Variants in MTUS2 observed in about 807,000 individuals in gnomAD.
MTUS2 encodes the protein microtubule-associated tumor suppressor candidate 2.
MTUS2 carries 40 observed loss-of-function variants against 114.1 expected under a neutral mutation model. That is an observed-to-expected ratio of 0.35 (90% CI 0.27 to 0.46). The LOEUF (loss-of-function observed/expected upper bound fraction) is 0.46. MTUS2 is among the 20% of genes least tolerant of loss of function. The pLI, the probability that MTUS2 is intolerant of heterozygous loss-of-function variation, is 1.00. For missense variants in MTUS2, 1,679 were observed against 1,705.4 expected (o/e 0.98, Z 0.27); for synonymous variants, 688 against 672.0 (o/e 1.02, Z -0.37).
intron 2 of MTUS2, among the ~76,000 whole-genome samples, chr13:28,948,976 A>G (rs1030947302): frequency 1.3e-5 from 2 of 152,198 alleles, no homozygotes; most frequent in Admixed American, 1.3e-4. Context: ...AAGTTGCTTA[A>G]CATCTCTGAG....
rs1446630320 is a variant in MTUS2, at chr13:29,078,562, A to G, written c.2447-22211A>G. On this transcript the variant is annotated intron_variant, in intron 4 of 15. Coordinates refer to ENST00000612955, the MANE Select transcript of MTUS2 (RefSeq NM_001033602.4). ...TAGTGGTTTTTAGTATATTCACAGA[A>G]TTATGCAAATATCACTGCAATTTTA... 2.0e-5 allele frequency among the ~76,000 whole-genome samples: 3 copies of G among 152,354 alleles called. No homozygotes were observed. In the East Asian group the frequency reaches 5.8e-4, roughly 29 times the overall value.
intron 4 of MTUS2, among the ~76,000 whole-genome samples, chr13:29,037,001 C>G (rs986704464): frequency 2.0e-5 from 3 of 152,050 alleles, no homozygotes; most frequent in African/African-American, 7.2e-5. Flanking sequence ...GGTGTTTACC[C>G]CGTTTACATA....
intron 5 of MTUS2, among the ~76,000 whole-genome samples, chr13:29,275,347 C>G (rs570859842): frequency 6.6e-6 from 1 of 152,296 alleles, no homozygotes; most frequent in African/African-American, 2.4e-5. Flanking sequence ...TCCATTATCT[C>G]AGACATTTAT....
At chr13:29,102,732 T>C (rs1890473727) in intron 5 of MTUS2, among the ~76,000 whole-genome samples, 1 of 152,226 alleles carries the variant, frequency 6.6e-6, no homozygotes, top group Admixed American at 6.5e-5. Flanking sequence ...CCCATGAATT[T>C]GATTTGTCTA....
chr13:29,070,038 T>C (rs1471595746), intron 4 of MTUS2, among the ~76,000 whole-genome samples: 1 of 152,236 alleles, frequency 6.6e-6, no homozygotes, highest in African/African-American at 2.4e-5. Context: ...AAGCATAGGC[T>C]GAGAAGGTGG....
intron 2 of MTUS2, among the ~76,000 whole-genome samples, chr13:28,959,255 G>A (rs376419897): frequency 2.2e-4 from 34 of 152,268 alleles, no homozygotes; most frequent in Admixed American, 6.5e-4. Context: ...AAAGTGTGCC[G>A]CCACTTCCAC....
rs71090240 is a variant in MTUS2 at position 29,318,391 on chromosome 13, C to CTTTTTTTTTTTTTCTTTTTTT, written c.2807-6211_2807-6210insTTCTTTTTTTTTTTTTTTTTT. 4.7e-4 allele frequency among the ~76,000 whole-genome samples: 63 copies of CTTTTTTTTTTTTTCTTTTTTT among 135,060 alleles called. 3 individuals carry two copies. Among genetic ancestry groups the CTTTTTTTTTTTTTCTTTTTTT allele is most frequent in the South Asian group, 1.5e-3 (6 of 3,976 alleles). 88.6% of individuals were successfully genotyped at this position (135,060 alleles called of 152,430 possible). Reference sequence around the variant, plus strand: ...CTATTATCATTTGTTATTTCTTTTTCTTTTTTTTTTTGAGATGACAGCCTC... The same window carrying CTTTTTTTTTTTTTCTTTTTTT: ...CTATTATCATTTGTTATTTCTTTTTCTTTTTTTTTTTTTCTTTTTTTTTTTTTTTTTTGAGATGACAGCCTC... On this transcript the variant is annotated intron_variant, in intron 6 of 15. Coordinates refer to ENST00000612955, the MANE Select transcript of MTUS2 (RefSeq NM_001033602.4).
chr13:28,965,319 G>A (rs959667144), intron 2 of MTUS2, among the ~76,000 whole-genome samples: 5 of 152,162 alleles, frequency 3.3e-5, no homozygotes, highest in African/African-American at 7.2e-5. Flanking sequence ...TCCATCGTTT[G>A]TAATCAGTGG....
intron 2 of MTUS2, among the ~76,000 whole-genome samples, chr13:28,846,743 A>G (rs138198884): frequency 1.1e-3 from 174 of 152,368 alleles, no homozygotes; most frequent in African/African-American, 3.0e-3. Context: ...AGAAGAGGGT[A>G]TCAGGACTCA....
At chr13:29,132,524 C>T (rs1891810020) in intron 5 of MTUS2, among the ~76,000 whole-genome samples, 1 of 152,186 alleles carries the variant, frequency 6.6e-6, no homozygotes, top group African/African-American at 2.4e-5. Context: ...CCCCAACCCT[C>T]CAGCCCCTGG....
chr13:29,310,340 G>A (rs554919056), intron 6 of MTUS2, among the ~76,000 whole-genome samples: 3 of 152,300 alleles, frequency 2.0e-5, no homozygotes, highest in African/African-American at 7.2e-5. Flanking sequence ...TCTTCATTGT[G>A]TCTTTTACCT....
chr13:29,261,816 G>C (rs1436134487), intron 5 of MTUS2, among the ~76,000 whole-genome samples: 2 of 152,182 alleles, frequency 1.3e-5, no homozygotes, highest in Admixed American at 1.3e-4. Flanking sequence ...GCTAAAGTTA[G>C]AGTGTTCATG....
chr13:29,503,190 G>A lies in MTUS2; in HGVS notation c.4094G>A (p.Ser1365Asn), dbSNP rs760734585. The change falls in exon 16 of 16, where the codon AGC becomes AAC. Residue 1365 changes from serine to asparagine, a missense_variant. Physicochemically the swap from Ser to Asn is conservative, Grantham distance 46. Transcript: ENST00000612955. ...SSGPSSPARV[S>N]TTPR Reference sequence around the variant, plus strand: ...GGGCCCTCCTCTCCGGCCAGAGTCAGCACAACACCCAGATGACGCCACTAC... The same window carrying A: ...GGGCCCTCCTCTCCGGCCAGAGTCAACACAACACCCAGATGACGCCACTAC... 5 of 1,613,944 alleles carry A rather than the reference G, an allele frequency of 3.1e-6. No homozygotes were observed. Among genetic ancestry groups the A allele is most frequent in the South Asian group, 2.2e-5 (2 of 91,074 alleles).
chr13:28,837,977 A>T (rs1205165029), intron 1 of MTUS2, among the ~76,000 whole-genome samples: 1 of 149,136 alleles, frequency 6.7e-6, no homozygotes. Flanking sequence ...TGTGAACAAA[A>T]TGACAGGTTT....
intron 5 of MTUS2, among the ~76,000 whole-genome samples, chr13:29,248,975 CGTTCGTTT>C (rs1269615245): frequency 1.3e-5 from 2 of 151,764 alleles, no homozygotes; most frequent in African/African-American, 4.8e-5. Context: ...TGATTTCTTT[CGTTCGTTT>C]GTTCGTTTGT....
intron 8 of MTUS2, among the ~76,000 whole-genome samples, chr13:29,427,316 T>C (rs995737600): frequency 3.9e-5 from 6 of 152,248 alleles, no homozygotes; most frequent in African/African-American, 1.4e-4. Flanking sequence ...TATAAAACTT[T>C]GCTTTCTCAG....
chr13:29,348,289 G>T (rs1208643964), intron 7 of MTUS2, among the ~76,000 whole-genome samples: 4 of 151,870 alleles, frequency 2.6e-5, no homozygotes, highest in African/African-American at 9.7e-5. Flanking sequence ...GGAGCTTTGT[G>T]ACAGGAACTG....
intron 7 of MTUS2, among the ~76,000 whole-genome samples, chr13:29,341,354 G>T (rs1901386223): frequency 6.6e-6 from 1 of 152,122 alleles, no homozygotes; most frequent in South Asian, 2.1e-4. Flanking sequence ...TCTTGCAGGA[G>T]TAAGGTGGTT....
chr13:29,209,215 T>G (rs1461220935), intron 5 of MTUS2, among the ~76,000 whole-genome samples: 1 of 152,156 alleles, frequency 6.6e-6, no homozygotes, highest in East Asian at 1.9e-4. Context: ...GCTTTAAAGT[T>G]TATTTTGTTT....
Sources: allele counts gnomAD v4.1 joint callset (sites outside exome capture counted in the v4.1 genomes callset), GRCh38; gene constraint gnomAD v4.1.1; transcripts MANE v1.5; gene names NCBI Gene and HGNC (gene_info 2026-07-23, HGNC 2026-07-21).